Variants in STXBP5L observed in about 807,000 individuals in gnomAD.
STXBP5L encodes the protein syntaxin-binding protein 5-like.
Under a neutral mutation model 144.5 loss-of-function variants are expected in STXBP5L, and 65 were observed. The ratio of observed to expected loss-of-function variants is 0.45; its 90% confidence interval spans 0.37 to 0.55. The LOEUF (loss-of-function observed/expected upper bound fraction) is 0.55. Among genes scored for constraint, STXBP5L ranks in the 20% least tolerant of loss-of-function variants. The probability of loss-of-function intolerance (pLI) is 0.00; values close to 1 mark genes in which losing one functional copy is unlikely to be tolerated. For missense variants in STXBP5L, 1,298 were observed against 1,405.5 expected (o/e 0.92, Z 1.22); for synonymous variants, 505 against 469.6 (o/e 1.08, Z -0.97).
intron 9 of STXBP5L, among the ~76,000 whole-genome samples, chr3:121,184,439 T>C (rs1390119459): frequency 6.6e-6 from 1 of 150,822 alleles, no homozygotes; most frequent in African/African-American, 2.4e-5. Flanking sequence ...AATATCCAAA[T>C]AGATCAAGCA....
At chr3:121,287,380 A>G (rs2051266908) in intron 19 of STXBP5L, among the ~76,000 whole-genome samples, 1 of 152,224 alleles carries the variant, frequency 6.6e-6, no homozygotes, top group Admixed American at 6.5e-5. Flanking sequence ...TAAAAATGTG[A>G]GTTTAACAAT....
intron 6 of STXBP5L, among the ~76,000 whole-genome samples, chr3:121,118,749 T>C (rs2044335984): frequency 1.3e-5 from 2 of 151,424 alleles, no homozygotes; most frequent in Admixed American, 1.3e-4. Flanking sequence ...ATTAAAGAAA[T>C]ATTTAAAAGA....
intron 20 of STXBP5L, chr3:121,324,700 G>C: frequency 1.8e-6 from 1 of 543,010 alleles, no homozygotes; most frequent in East Asian, 3.0e-5. Flanking sequence ...GGAAACACAA[G>C]TCCTTCATGG....
At chr3:121,388,745 C>A (rs1298880208) in intron 22 of STXBP5L, among the ~76,000 whole-genome samples, 1 of 152,188 alleles carries the variant, frequency 6.6e-6, no homozygotes, top group Non-Finnish European at 1.5e-5. Context: ...AAGAAGCCAA[C>A]TTGATCGTGG....
At chr3:121,265,082 A>G (rs1384266668) in intron 18 of STXBP5L, among the ~76,000 whole-genome samples, 1 of 152,202 alleles carries the variant, frequency 6.6e-6, no homozygotes, top group Non-Finnish European at 1.5e-5. Flanking sequence ...GAAAATTAAT[A>G]AGGATATTCT....
intron 3 of STXBP5L, among the ~76,000 whole-genome samples, chr3:120,963,926 A>C (rs1436118659): frequency 1.3e-5 from 2 of 152,166 alleles, no homozygotes; most frequent in Non-Finnish European, 2.9e-5. Flanking sequence ...TTGGTAGGCT[A>C]TTAATTATTG....
chr3:121,300,071 T>C (rs1336239320), intron 19 of STXBP5L, among the ~76,000 whole-genome samples: 2 of 150,978 alleles, frequency 1.3e-5, no homozygotes, highest in Non-Finnish European at 3.0e-5. Flanking sequence ...TTAAAAGCAG[T>C]ACAGAAACAT....
At chr3:121,346,625 C>G (rs1351951806) in intron 20 of STXBP5L, among the ~76,000 whole-genome samples, 2 of 152,126 alleles carry the variant, frequency 1.3e-5, no homozygotes, top group African/African-American at 2.4e-5. Flanking sequence ...TGTTTCCTGA[C>G]TTTTTAATGA....
At chr3:121,349,677 C>G (rs1198448792) in intron 20 of STXBP5L, among the ~76,000 whole-genome samples, 4 of 152,074 alleles carry the variant, frequency 2.6e-5, no homozygotes, top group African/African-American at 9.7e-5. Flanking sequence ...ATAGTTAGCT[C>G]TTCTTGTTGA....
intron 5 of STXBP5L, among the ~76,000 whole-genome samples, chr3:121,065,432 T>C (rs1361600672): frequency 6.6e-6 from 1 of 152,206 alleles, no homozygotes; most frequent in Non-Finnish European, 1.5e-5. Flanking sequence ...TGTTACCATA[T>C]TACACTAGTT....
At chr3:121,401,616 C>G (rs561445038) in intron 22 of STXBP5L, among the ~76,000 whole-genome samples, 1 of 130,218 alleles carries the variant, frequency 7.7e-6, no homozygotes, top group Non-Finnish European at 1.6e-5. Context: ...AAATTGGAAA[C>G]CATCATTCTC....
At chr3:121,316,718 A>G (rs2043801393) in intron 19 of STXBP5L, among the ~76,000 whole-genome samples, 2 of 152,196 alleles carry the variant, frequency 1.3e-5, no homozygotes, top group Admixed American at 6.5e-5. Context: ...GCATTCAATA[A>G]ATTTGATTCA....
intron 2 of STXBP5L, among the ~76,000 whole-genome samples, chr3:120,917,343 A>G (rs1210452573): frequency 6.6e-6 from 1 of 152,196 alleles, no homozygotes; most frequent in Non-Finnish European, 1.5e-5. Context: ...CAGTACCAAG[A>G]GTAGAAGTAG....
At chr3:121,370,418 G>T (rs2045996366) in intron 20 of STXBP5L, among the ~76,000 whole-genome samples, 1 of 152,148 alleles carries the variant, frequency 6.6e-6, no homozygotes, top group South Asian at 2.1e-4. Context: ...AGATGTGACT[G>T]CTTCCCCTTC....
intron 3 of STXBP5L, among the ~76,000 whole-genome samples, chr3:120,961,112 A>G (rs545971609): frequency 4.1e-4 from 62 of 151,820 alleles, no homozygotes; most frequent in Non-Finnish European, 8.2e-4. Flanking sequence ...GTTGGTGCAT[A>G]GTTGTTCGTA....
intron 20 of STXBP5L, among the ~76,000 whole-genome samples, chr3:121,339,735 A>T (rs1478855840): frequency 6.6e-6 from 1 of 152,100 alleles, no homozygotes; most frequent in Non-Finnish European, 1.5e-5. Context: ...ATCCATGTAC[A>T]CAAATCAGTA....
intron 19 of STXBP5L, among the ~76,000 whole-genome samples, chr3:121,287,640 C>A (rs2051277554): frequency 6.6e-6 from 1 of 152,002 alleles, no homozygotes; most frequent in Non-Finnish European, 1.5e-5. Context: ...ACCAGCCTGA[C>A]CAACATGGTG....
chr3:121,296,777 A>C (rs140782892), intron 19 of STXBP5L, among the ~76,000 whole-genome samples: 17 of 152,300 alleles, frequency 1.1e-4, no homozygotes, highest in African/African-American at 4.1e-4. Flanking sequence ...TTGGAATTTG[A>C]AAGAATTTGA....
At chr3:121,185,369 G>A (rs1339695945) in intron 9 of STXBP5L, among the ~76,000 whole-genome samples, 1 of 152,146 alleles carries the variant, frequency 6.6e-6, no homozygotes, top group African/African-American at 2.4e-5. Context: ...TGAAGTCCTT[G>A]CCCATGCCTA....
Sources: gnomAD v4.1 joint callset for allele counts (sites outside exome capture counted in the v4.1 genomes callset) on GRCh38, gnomAD v4.1.1 for gene constraint, MANE v1.5 for transcripts, NCBI Gene and HGNC (gene_info 2026-07-23, HGNC 2026-07-21) for gene names.